The following PTPN4 variants were observed in gnomAD, a reference collection of about 807,000 sequenced individuals.
The protein encoded by PTPN4 is protein tyrosine phosphatase non-receptor type 4.
A neutral mutation model predicts 135.5 loss-of-function variants in PTPN4; 49 were observed. The ratio of observed to expected loss-of-function variants is 0.36; its 90% confidence interval spans 0.29 to 0.46. The LOEUF is 0.46. PTPN4 is among the 20% of genes least tolerant of loss of function. The probability of loss-of-function intolerance (pLI) is 1.00; values close to 1 mark genes in which losing one functional copy is unlikely to be tolerated. For synonymous variants in PTPN4, 333 were observed against 369.9 expected (o/e 0.90, Z 1.14); for missense variants, 860 against 1,101.0 (o/e 0.78, Z 3.10).
chr2:119,964,788 CTT>C (rs1006259331), intron 24 of PTPN4, among the ~76,000 whole-genome samples: 3 of 152,078 alleles, frequency 2.0e-5, no homozygotes, highest in Non-Finnish European at 4.4e-5. Flanking sequence ...TTATACATAA[CTT>C]TTGGTGGAGA....
At position 119,932,533 on chromosome 2, in the gene PTPN4, CCGGGAACTCCTA is replaced by C; in HGVS notation, c.1181_1192del (p.Pro394_Asn398delinsHis). On this transcript the variant is annotated inframe_deletion, in exon 14 of 27. Transcript: ENST00000263708. ...ACAAAGTCTTCCATCACGATCTCCA[CCGGGAACTCCTA>C]ATCAGTAAGTGTGAATTTTGTGACC... 6.2e-7 allele frequency: 1 copy of C among 1,609,780 alleles called. No homozygotes were observed. Among genetic ancestry groups the C allele is most frequent in the South Asian group, 1.1e-5 (1 of 90,026 alleles).
intron 11 of PTPN4, among the ~76,000 whole-genome samples, chr2:119,917,821 T>C (rs1362518198): frequency 6.6e-6 from 1 of 152,178 alleles, no homozygotes; most frequent in Non-Finnish European, 1.5e-5. Context: ...TAAAACATCT[T>C]TGTTTTTAAA....
intron 2 of PTPN4, among the ~76,000 whole-genome samples, chr2:119,859,521 T>A (rs1480783217): frequency 6.6e-6 from 1 of 152,192 alleles, no homozygotes; most frequent in African/African-American, 2.4e-5. Flanking sequence ...TCCATCTACC[T>A]TGTCTCCTGA....
At chr2:119,876,515 G>C (rs368713437) in intron 3 of PTPN4, among the ~76,000 whole-genome samples, 1 of 151,814 alleles carries the variant, frequency 6.6e-6, no homozygotes, top group Non-Finnish European at 1.5e-5. Context: ...TTTAATTATG[G>C]GTGGTAGAAG....
At chr2:119,871,580 A>G (rs1338510725) in intron 3 of PTPN4, among the ~76,000 whole-genome samples, 3 of 152,088 alleles carry the variant, frequency 2.0e-5, no homozygotes, top group African/African-American at 4.8e-5. Flanking sequence ...ATGCAGGTGT[A>G]CCACAGCATT....
At chr2:119,902,117 C>G (rs867883238) in intron 10 of PTPN4, among the ~76,000 whole-genome samples, 1 of 152,116 alleles carries the variant, frequency 6.6e-6, no homozygotes. Flanking sequence ...CCCAAAAATC[C>G]ACACTTACAC....
intron 1 of PTPN4, among the ~76,000 whole-genome samples, chr2:119,799,687 G>A (rs1460681398): frequency 1.3e-5 from 2 of 152,098 alleles, no homozygotes; most frequent in African/African-American, 4.8e-5. Flanking sequence ...GAAAGAATAT[G>A]GTGGGGTTTA....
chr2:119,945,093 CCCTGGAGATGGGAAGCCT>C lies in PTPN4; in HGVS notation c.1371_1388del (p.Gly458_Pro463del). ...TTTTCTTGTCTAGATCACAAGAGACCCCTGGAGATGGGAAGCCTCCAGCTTTACCACCCAAACAGTCAA... is the reference window on the plus strand; with the variant it reads ...TTTTCTTGTCTAGATCACAAGAGACCCCAGCTTTACCACCCAAACAGTCAA... On this transcript the variant is annotated inframe_deletion, in exon 16 of 27. Transcript: ENST00000263708. 6.2e-7 allele frequency: 1 copy of C among 1,600,554 alleles called. No homozygotes were observed. The highest frequency in any genetic ancestry group is 8.5e-7 in the Non-Finnish European group (1 of 1,175,780).
chr2:119,769,893 T>C (rs182385486), intron 1 of PTPN4, among the ~76,000 whole-genome samples: 21 of 152,330 alleles, frequency 1.4e-4, no homozygotes, highest in Admixed American at 3.9e-4. Context: ...AATCCAAGGG[T>C]CATTGTTTAT....
chr2:119,919,106 G>A (rs1678701489), intron 11 of PTPN4, among the ~76,000 whole-genome samples: 1 of 152,196 alleles, frequency 6.6e-6, no homozygotes, highest in South Asian at 2.1e-4. Flanking sequence ...TACTTCTGTG[G>A]TGGTAGTAAT....
At chr2:119,917,807 T>G (rs1678676993) in intron 11 of PTPN4, among the ~76,000 whole-genome samples, 1 of 152,198 alleles carries the variant, frequency 6.6e-6, no homozygotes, top group African/African-American at 2.4e-5. Context: ...TAATGTTTTC[T>G]CTCTAAAACA....
At chr2:119,903,556 GACACACACACAC>G (rs35324437) in intron 10 of PTPN4, among the ~76,000 whole-genome samples, 19 of 147,750 alleles carry the variant, frequency 1.3e-4, no homozygotes, top group Admixed American at 8.7e-4. Context: ...TGCAGCTGCT[GACACACACACAC>G]ACACACACAC....
chr2:119,841,385 T>G (rs1469492155), intron 2 of PTPN4, among the ~76,000 whole-genome samples: 1 of 152,156 alleles, frequency 6.6e-6, no homozygotes, highest in Non-Finnish European at 1.5e-5. Flanking sequence ...ACATTATATA[T>G]TCTTAGAGTT....
At chr2:119,886,192 T>C (rs1291054434) in intron 9 of PTPN4, among the ~76,000 whole-genome samples, 1 of 152,180 alleles carries the variant, frequency 6.6e-6, no homozygotes, top group Non-Finnish European at 1.5e-5. Flanking sequence ...AAGTGGCTTT[T>C]GTATACTTTT....
chr2:119,808,789 C>T (rs990055107), intron 1 of PTPN4, among the ~76,000 whole-genome samples: 14 of 151,998 alleles, frequency 9.2e-5, no homozygotes, highest in Non-Finnish European at 5.9e-5. Context: ...GACTTTTTTC[C>T]CCTACATTAT....
At chr2:119,906,259 C>T (rs984743877) in intron 10 of PTPN4, among the ~76,000 whole-genome samples, 3 of 151,872 alleles carry the variant, frequency 2.0e-5, no homozygotes, top group African/African-American at 4.8e-5. Flanking sequence ...GTCCTGGGTA[C>T]TCGGGAGACT....
chr2:119,926,544 T>C, intron 12 of PTPN4, 54 bp from the exon 13 acceptor site: 1 of 1,265,066 alleles, frequency 7.9e-7, no homozygotes, highest in South Asian at 1.5e-5. Context: ...GTGTTGTCAT[T>C]TTATCTTATA....
intron 1 of PTPN4, among the ~76,000 whole-genome samples, chr2:119,779,616 C>CAAA (rs547628386): frequency 1.7e-4 from 10 of 60,152 alleles, no homozygotes; most frequent in Non-Finnish European, 2.4e-4. Context: ...GACTCCGTCT[C>CAAA]AAAAAAAAAA....
chr2:119,880,290 G>C (rs1678051687), intron 5 of PTPN4, among the ~76,000 whole-genome samples: 1 of 152,090 alleles, frequency 6.6e-6, no homozygotes, highest in South Asian at 2.1e-4. Flanking sequence ...TTGCCTCTTG[G>C]TTAAATGAGT....
Sources: gnomAD v4.1 joint callset for allele counts (sites outside exome capture counted in the v4.1 genomes callset) on GRCh38, gnomAD v4.1.1 for gene constraint, MANE v1.5 for transcripts, NCBI Gene and HGNC (gene_info 2026-07-23, HGNC 2026-07-21) for gene names.